The following GPRC5B variants were observed in gnomAD, a reference collection of about 807,000 sequenced individuals.
GPRC5B encodes the protein G protein-coupled receptor class C group 5 member B.
GPRC5B carries 16 observed loss-of-function variants against 30.1 expected under a neutral mutation model. The ratio of observed to expected loss-of-function variants is 0.53; its 90% CI spans 0.36 to 0.81. GPRC5B has a LOEUF of 0.81. Ranked by LOEUF, GPRC5B falls within the 30% of genes least tolerant of loss-of-function variation. GPRC5B has a pLI of 0.01. For synonymous variants in GPRC5B, 241 were observed against 239.5 expected (o/e 1.01, Z -0.06); for missense variants, 428 against 544.7 (o/e 0.79, Z 2.13).
chr16:19,883,716 C>T (rs1261801332), intron 1 of GPRC5B, among the ~76,000 whole-genome samples: 1 of 152,262 alleles, frequency 6.6e-6, no homozygotes, highest in Non-Finnish European at 1.5e-5. Context: ...GGGCCTTTGT[C>T]CGCGCTCCAA....
chr16:19,857,575 C>G lies in GPRC5B; in HGVS notation c.*2925G>C, dbSNP rs1385269699. Reference sequence around the variant, plus strand: ...GCTCTTCATCAGTTAATAAAAAGCACCTGCTGAGAACTCCTGTAAGCTGGT... The same window carrying G: ...GCTCTTCATCAGTTAATAAAAAGCAGCTGCTGAGAACTCCTGTAAGCTGGT... On this transcript the variant is annotated 3_prime_UTR_variant, in exon 4 of 4. Transcript: ENST00000300571. 2 of 361,354 alleles carry G rather than the reference C, an allele frequency of 5.5e-6. No homozygotes were observed. The highest frequency in any genetic ancestry group is 1.0e-5 in the Non-Finnish European group (2 of 191,826). 22.4% of individuals were successfully genotyped at this position (361,354 alleles called of 1,614,324 possible).
intron 1 of GPRC5B, among the ~76,000 whole-genome samples, chr16:19,879,863 G>A (rs547302516): frequency 3.9e-5 from 6 of 152,308 alleles, no homozygotes; most frequent in African/African-American, 9.6e-5. Context: ...GCCAAGCGCC[G>A]TAGCTCACAC....
intron 1 of GPRC5B, among the ~76,000 whole-genome samples, chr16:19,878,403 T>C (rs1382193932): frequency 1.3e-5 from 2 of 151,882 alleles, no homozygotes; most frequent in Non-Finnish European, 2.9e-5. Context: ...CCTCCTGGGC[T>C]CAAGCCATTA....
chr16:19,884,581 C>A, intron 1 of GPRC5B, 146 bp downstream of exon 1: 1 of 521,668 alleles, frequency 1.9e-6, no homozygotes, highest in Non-Finnish European at 2.5e-6. Flanking sequence ...CCACATCTCC[C>A]CCAGCAATAA....
At chr16:19,860,766 A>C (rs563864924) in intron 3 of GPRC5B, among the ~76,000 whole-genome samples, 1 of 152,258 alleles carries the variant, frequency 6.6e-6, no homozygotes, top group East Asian at 1.9e-4. Flanking sequence ...AAGGAATGTA[A>C]GTTCAACTCA....
chr16:19,858,584 G>T lies in GPRC5B; in HGVS notation c.*1916C>A. ...GTGTAATGCTGTCGTTTTTTCACCGGACAGGACCGAGGTGTTTGAAGATTT... is the reference window on the plus strand; with the variant it reads ...GTGTAATGCTGTCGTTTTTTCACCGTACAGGACCGAGGTGTTTGAAGATTT... On this transcript the variant is annotated 3_prime_UTR_variant, in exon 4 of 4. Transcript: ENST00000300571. 1.5e-6 allele frequency: 1 copy of T among 648,272 alleles called. No homozygotes were observed. 40.2% of individuals were successfully genotyped at this position (648,272 alleles called of 1,614,324 possible).
chr16:19,860,582 G>T, intron 3 of GPRC5B, 38 bp from the exon 4 acceptor site: 1 of 1,442,230 alleles, frequency 6.9e-7, no homozygotes, highest in Non-Finnish European at 9.7e-7. Flanking sequence ...TGAGAACTCT[G>T]TGCTTTGCAA....
chr16:19,861,047 T>A (rs1439801992), intron 3 of GPRC5B, among the ~76,000 whole-genome samples: 2 of 124,550 alleles, frequency 1.6e-5, no homozygotes, highest in Admixed American at 1.9e-4. Flanking sequence ...CAGGAAAACC[T>A]AAATTCCCTC....
intron 1 of GPRC5B, among the ~76,000 whole-genome samples, chr16:19,881,234 G>A (rs557871636): frequency 6.6e-6 from 1 of 152,218 alleles, no homozygotes; most frequent in East Asian, 1.9e-4. Context: ...TGTAAAATGG[G>A]GATAATGATA....
chr16:19,875,754 G>T (rs573717647), intron 1 of GPRC5B, among the ~76,000 whole-genome samples: 1 of 152,164 alleles, frequency 6.6e-6, no homozygotes, highest in Admixed American at 6.5e-5. Context: ...ACTCCAGCCT[G>T]GGCAACAGAG....
intron 1 of GPRC5B, among the ~76,000 whole-genome samples, chr16:19,878,494 A>G (rs2141151592): frequency 1.3e-5 from 2 of 152,032 alleles, no homozygotes; most frequent in South Asian, 2.1e-4. Flanking sequence ...AGGTTTTGCC[A>G]TGTTGGCCAG....
chr16:19,864,245 T>C (rs1220114162), intron 2 of GPRC5B, among the ~76,000 whole-genome samples: 1 of 152,210 alleles, frequency 6.6e-6, no homozygotes, highest in Non-Finnish European at 1.5e-5. Flanking sequence ...CTCGGGGCCT[T>C]CTAGCAAGAA....
chr16:19,872,799 G>A lies in GPRC5B; in HGVS notation c.47C>T (p.Thr16Ile). 6.2e-7 allele frequency: 1 copy of A among 1,613,862 alleles called. No individual in the cohort carries two copies. The highest frequency in any genetic ancestry group is 8.5e-7 in the Non-Finnish European group (1 of 1,179,930). Reference protein sequence around the residue: ...ERKMRAHQVLTFLLLFVITSV... With the variant: ...ERKMRAHQVLIFLLLFVITSV... Reference sequence around the variant, plus strand: ...GGTGATCACGAAGAGCAGGAGGAAGGTGAGCACCTGGTGAGCTCTCATCTT... The same window carrying A: ...GGTGATCACGAAGAGCAGGAGGAAGATGAGCACCTGGTGAGCTCTCATCTT... Residue 16 changes from threonine to isoleucine, a missense_variant, in exon 2 of 4, where the codon ACC (threonine) becomes ATC (isoleucine). Thr to Ile is a moderately conservative substitution (Grantham distance 89). Around this residue, in one of 3 missense-constraint regions of GPRC5B, gnomAD observed 196 missense variants for 272.6 expected, o/e 0.72. Transcript: ENST00000300571. This position sits in a 1 kb window ranked among gnomAD's most constrained non-coding sequence, Gnocchi z 5.0.
At position 19,881,477 on chromosome 16, in the gene GPRC5B, T is replaced by C. The variant is rs749201565; in HGVS notation, c.-2+3250A>G. ...GAGGAAGCAACAGCTTTTTAGTGAATTGCTTGTTAAAAAGTCAATCATGGC... is the reference window on the plus strand; with the variant it reads ...GAGGAAGCAACAGCTTTTTAGTGAACTGCTTGTTAAAAAGTCAATCATGGC... On this transcript the variant is annotated intron_variant, in intron 1 of 3. Coordinates refer to ENST00000300571, the MANE Select transcript of GPRC5B (RefSeq NM_016235.3). Among the ~76,000 whole-genome samples the C allele has an allele frequency of 5.3e-5, 8 of 151,738 alleles. 1 individual carries two copies. The highest frequency in any genetic ancestry group is 8.8e-5 in the Non-Finnish European group (6 of 67,966).
intron 1 of GPRC5B, among the ~76,000 whole-genome samples, chr16:19,883,898 G>A (rs914479060): frequency 6.6e-6 from 1 of 152,228 alleles, no homozygotes; most frequent in African/African-American, 2.4e-5. Flanking sequence ...GCGGGTGCGG[G>A]CTCCTCCCGC....
intron 1 of GPRC5B, among the ~76,000 whole-genome samples, chr16:19,883,846 T>G (rs2056827728): frequency 6.6e-6 from 1 of 152,218 alleles, no homozygotes; most frequent in African/African-American, 2.4e-5. Context: ...GCAAGGTCGT[T>G]GGCCCCTTCC....
chr16:19,871,297 A>AAAAAAG (rs1567209331), intron 2 of GPRC5B, among the ~76,000 whole-genome samples: 1 of 150,402 alleles, frequency 6.6e-6, no homozygotes, highest in Non-Finnish European at 1.5e-5. Flanking sequence ...AAAAAAAAAA[A>AAAAAAG]AAAGAAAGAA....
chr16:19,875,333 C>T (rs1436869673), intron 1 of GPRC5B, among the ~76,000 whole-genome samples: 3 of 152,252 alleles, frequency 2.0e-5, no homozygotes, highest in East Asian at 1.9e-4. Context: ...AGCACTTATT[C>T]GTGGTCCTGC....
At chr16:19,881,290 TG>T (rs1158155840) in intron 1 of GPRC5B, among the ~76,000 whole-genome samples, 2 of 152,104 alleles carry the variant, frequency 1.3e-5, no homozygotes, top group African/African-American at 2.4e-5. Flanking sequence ...AAAAATAGTC[TG>T]GGCCAGGCGT....
Sources: gnomAD v4.1 joint callset for allele counts (sites outside exome capture counted in the v4.1 genomes callset) on GRCh38, gnomAD v4.1.1 for gene constraint, gnomAD v4.1.1 regional missense constraint, Gnocchi (gnomAD v3.1) non-coding constraint, MANE v1.5 for transcripts, NCBI Gene and HGNC (gene_info 2026-07-23, HGNC 2026-07-21) for gene names.